The following COL15A1 variants were observed in gnomAD, a reference collection of about 807,000 sequenced individuals.
COL15A1 encodes collagen type XV alpha 1 chain.
COL15A1 carries 111 observed loss-of-function variants against 165.9 expected under a neutral mutation model. The observed-to-expected ratio is 0.67, with a 90% CI of 0.57 to 0.78. COL15A1 has a LOEUF of 0.78. Among genes scored for constraint, COL15A1 ranks in the 30% least tolerant of loss-of-function variants. The probability of loss-of-function intolerance (pLI) is 0.00; values close to 1 mark genes in which losing one functional copy is unlikely to be tolerated. For missense variants in COL15A1, 1,745 were observed against 1,789.7 expected (o/e 0.98, Z 0.45); for synonymous variants, 659 against 674.8 (o/e 0.98, Z 0.36).
At chr9:98,973,234 G>C (rs931353635) in intron 2 of COL15A1, among the ~76,000 whole-genome samples, 15 of 152,094 alleles carry the variant, frequency 9.9e-5, no homozygotes, top group African/African-American at 2.7e-4. Flanking sequence ...GAACAAGAGA[G>C]CAAGAGAGAA....
At chr9:99,047,754 C>A in intron 26 of COL15A1, 32 bp from the exon 27 acceptor site, 1 of 1,611,982 alleles carries the variant, frequency 6.2e-7, no homozygotes, top group African/African-American at 1.3e-5. Flanking sequence ...ACTTTCTGTT[C>A]TTTTCTAATC....
intron 38 of COL15A1, 123 bp from the exon 39 acceptor site, chr9:99,062,927 A>G: frequency 4.2e-6 from 5 of 1,204,378 alleles, no homozygotes; most frequent in Middle Eastern, 1.9e-4. Context: ...AGTCACAGTT[A>G]CAGACAATGG....
chr9:98,961,943 T>TGGCCACTCAG (rs1837872528), intron 2 of COL15A1, among the ~76,000 whole-genome samples: 2 of 152,212 alleles, frequency 1.3e-5, no homozygotes, highest in South Asian at 4.1e-4. Context: ...TGGTCCACCT[T>TGGCCACTCAG]GGCCTCTCAG....
At chr9:99,008,887 G>A (rs973522856) in intron 9 of COL15A1, among the ~76,000 whole-genome samples, 3 of 152,228 alleles carry the variant, frequency 2.0e-5, no homozygotes, top group African/African-American at 7.2e-5. Flanking sequence ...TGGGATTACA[G>A]GCATGAGCCA....
chr9:99,052,122 C>T (rs1839599007), intron 30 of COL15A1, among the ~76,000 whole-genome samples: 2 of 152,208 alleles, frequency 1.3e-5, no homozygotes, highest in Admixed American at 1.3e-4. Context: ...CTTTGGGCTT[C>T]CTTATGGCTG....
chr9:99,055,455 C>T, intron 34 of COL15A1, 83 bp downstream of exon 34: 1 of 813,642 alleles, frequency 1.2e-6, no homozygotes, highest in South Asian at 1.4e-5. Context: ...GCAGTTAGGG[C>T]TAGTCATTGT....
intron 2 of COL15A1, among the ~76,000 whole-genome samples, chr9:98,953,370 G>A (rs1045344725): frequency 6.6e-6 from 1 of 152,088 alleles, no homozygotes; most frequent in Admixed American, 6.5e-5. Flanking sequence ...AGAGACAGGG[G>A]TCCCTGGTCA....
At chr9:99,055,467 C>A (rs1365364056) in intron 34 of COL15A1, 95 bp downstream of exon 34, 3 of 743,944 alleles carry the variant, frequency 4.0e-6, no homozygotes, top group African/African-American at 3.5e-5. Context: ...AGTCATTGTA[C>A]TATAAGCTGG....
Position 99,020,427 on chromosome 9 carries a change from G to A in COL15A1, c.1686G>A (p.Gly562=), listed in dbSNP as rs1839006842. 1.2e-6 allele frequency: 2 copies of A among 1,612,984 alleles called. No homozygotes were observed. The highest frequency in any genetic ancestry group is 8.5e-7 in the Non-Finnish European group (1 of 1,179,066). Residue 562 remains glycine, a synonymous_variant, in exon 12 of 42, where the codon GGG becomes GGA. Coordinates refer to ENST00000375001, the MANE Select transcript of COL15A1 (RefSeq NM_001855.5). ...ATGTGGGAATGAAAGGACAGGCTGG[G>A]CCCAAAGGAGAAAAGGTTTGTGCTG... The part of the protein sequence containing the change: ...REHVGMKGQA[G]PKGEKGDAGE...
At chr9:99,031,315 C>T (rs1036251971) in intron 16 of COL15A1, among the ~76,000 whole-genome samples, 4 of 152,192 alleles carry the variant, frequency 2.6e-5, no homozygotes, top group Non-Finnish European at 5.9e-5. Flanking sequence ...TAGGAAAACA[C>T]TGCAAGAGAT....
Position 99,002,379 on chromosome 9 carries a change from C to T in COL15A1, c.1066-1074C>T, listed in dbSNP as rs367609157. Among the ~76,000 whole-genome samples the T allele has an allele frequency of 5.9e-5, 9 of 152,104 alleles. 1 individual carries two copies. The highest frequency in any genetic ancestry group is 3.9e-4 in the East Asian group (2 of 5,184). On this transcript the variant is annotated intron_variant, in intron 7 of 41. Transcript: ENST00000375001. ...TTCCAGGAAATACATACCCAGCTCA[C>T]CAAATGGTTTGGAGTGAGTAGAGGG...
At chr9:99,021,970 C>A (rs1491002381) in intron 12 of COL15A1, 121 bp from the exon 13 acceptor site, 2 of 1,343,934 alleles carry the variant, frequency 1.5e-6, no homozygotes, top group Non-Finnish European at 2.1e-6. Flanking sequence ...CTGCAAAGGA[C>A]AATGCCATTT....
intron 30 of COL15A1, 129 bp downstream of exon 30, chr9:99,050,024 G>C (rs1036537693): frequency 8.2e-5 from 107 of 1,297,660 alleles, no homozygotes; most frequent in Non-Finnish European, 1.1e-4. Context: ...TCCCCTAAGT[G>C]TAGACCCTCA....
chr9:99,004,356 G>A (rs147418837), intron 8 of COL15A1, among the ~76,000 whole-genome samples: 2 of 152,186 alleles, frequency 1.3e-5, no homozygotes, highest in Admixed American at 1.3e-4. Flanking sequence ...GATCCTCCCA[G>A]AAGTCCCAGT....
intron 36 of COL15A1, among the ~76,000 whole-genome samples, chr9:99,060,903 CA>C: frequency 6.6e-6 from 1 of 152,094 alleles, no homozygotes; most frequent in Non-Finnish European, 1.5e-5. Context: ...AAAAACAAAA[CA>C]ACAAAAGCCC....
intron 16 of COL15A1, among the ~76,000 whole-genome samples, chr9:99,032,273 A>G (rs1839222705): frequency 6.6e-6 from 1 of 151,884 alleles, no homozygotes; most frequent in African/African-American, 2.4e-5. Flanking sequence ...GCTCACTGCA[A>G]CCTCCTCCTG....
At chr9:98,950,743 T>C (rs1039111584) in intron 2 of COL15A1, among the ~76,000 whole-genome samples, 1 of 151,852 alleles carries the variant, frequency 6.6e-6, no homozygotes, top group African/African-American at 2.4e-5. Context: ...GCCTCCCGAG[T>C]AGCTGAGACT....
chr9:99,050,694 C>A (rs1284323540), intron 30 of COL15A1, among the ~76,000 whole-genome samples: 1 of 152,230 alleles, frequency 6.6e-6, no homozygotes, highest in Non-Finnish European at 1.5e-5. Context: ...AGGACTCTGC[C>A]AGGCCCTGGG....
At position 99,024,277 on chromosome 9, in the gene COL15A1, G is replaced by GTTTTTTTTTTT. The variant is rs773196929; in HGVS notation, c.1855-590_1855-589insTTTTTTTTTTT. Among the ~76,000 whole-genome samples the GTTTTTTTTTTT allele has an allele frequency of 8.3e-5, 9 of 108,628 alleles. 1 individual carries two copies. Among genetic ancestry groups the GTTTTTTTTTTT allele is most frequent in the South Asian group, 3.5e-4 (1 of 2,856 alleles). The allele number at this position is 108,628 out of a possible 152,430, so 71.3% of individuals were successfully genotyped here. On this transcript the variant is annotated intron_variant, in intron 14 of 41. Coordinates refer to ENST00000375001, the MANE Select transcript of COL15A1 (RefSeq NM_001855.5). ...GGCTACACCACAAGCAGTTTTTTTTGTTTTTTTGTTTTTTTTTTTTTGAGA... is the reference window on the plus strand; with the variant it reads ...GGCTACACCACAAGCAGTTTTTTTTGTTTTTTTTTTTTTTTTTTGTTTTTTTTTTTTTGAGA...
Sources: allele counts gnomAD v4.1 joint callset (sites outside exome capture counted in the v4.1 genomes callset), GRCh38; gene constraint gnomAD v4.1.1; transcripts MANE v1.5; gene names NCBI Gene and HGNC (gene_info 2026-07-23, HGNC 2026-07-21).